The following SLX4IP variants were observed in gnomAD, a reference collection of about 807,000 sequenced individuals.
SLX4IP encodes the protein protein SLX4IP.
In SLX4IP, 34 loss-of-function variants were observed where a neutral mutation model predicts 32.9. The observed-to-expected ratio is 1.03, with a 90% CI of 0.79 to 1.38. The LOEUF (loss-of-function observed/expected upper bound fraction) is 1.38, where lower values mean the gene tolerates loss of function less well. Ranked by LOEUF, SLX4IP falls within the 40% of genes most tolerant of loss-of-function variation. The pLI is 0.00. For missense variants in SLX4IP, 444 were observed against 479.0 expected (o/e 0.93, Z 0.68); for synonymous variants, 172 against 171.7 (o/e 1.00, Z -0.01).
Position 10,620,899 on chromosome 20 carries a change from T to C in SLX4IP, c.406-415T>C, listed in dbSNP as rs1435861098. On this transcript the variant is annotated intron_variant, in intron 6 of 7. Coordinates refer to ENST00000334534, the MANE Select transcript of SLX4IP (RefSeq NM_001009608.3). ...TGCAGATAGAGAAAATATGGGGAAT[T>C]CTTAGGATGATAAGGGTGTAGACCA... is the stretch of plus-strand genomic sequence containing the variant. Among the ~76,000 whole-genome samples, 3 of 152,128 alleles carry C rather than the reference T, an allele frequency of 2.0e-5. No homozygotes were observed. In the East Asian group the frequency reaches 5.8e-4, roughly 29 times the overall value.
At chr20:10,456,854 C>G (rs1265344717) in intron 1 of SLX4IP, among the ~76,000 whole-genome samples, 2 of 152,204 alleles carry the variant, frequency 1.3e-5, no homozygotes, top group Non-Finnish European at 2.9e-5. Flanking sequence ...TTAAGTCTTA[C>G]AATCCATGAA....
intron 4 of SLX4IP, among the ~76,000 whole-genome samples, chr20:10,561,545 C>CTTTTTTTTTTTTTTTT (rs749781715): frequency 4.1e-4 from 57 of 139,116 alleles, no homozygotes; most frequent in African/African-American, 1.4e-3. Flanking sequence ...TTTCTTTTTT[C>CTTTTTTTTTTTTTTTT]TTTTTTTTTT....
chr20:10,575,101 G>A (rs764151548), intron 4 of SLX4IP, among the ~76,000 whole-genome samples: 20 of 152,142 alleles, frequency 1.3e-4, no homozygotes, highest in Middle Eastern at 3.2e-3. Context: ...GGTAGAACTG[G>A]TTGGCATTCC....
At chr20:10,604,399 C>CT (rs1423858409) in intron 6 of SLX4IP, among the ~76,000 whole-genome samples, 8 of 151,126 alleles carry the variant, frequency 5.3e-5, no homozygotes, top group Admixed American at 2.7e-4. Context: ...TTTCCTTCAT[C>CT]TTTTTTTTTG....
chr20:10,468,462 G>A (rs79428928), intron 2 of SLX4IP, among the ~76,000 whole-genome samples: 3 of 152,174 alleles, frequency 2.0e-5, no homozygotes, highest in Non-Finnish European at 4.4e-5. Context: ...CCAGCTAGAC[G>A]TAAGGCATTC....
At position 10,624,797 on chromosome 20, in the gene SLX4IP, A is replaced by G; in HGVS notation, c.*1418A>G. On this transcript the variant is annotated 3_prime_UTR_variant, in exon 8 of 8. Transcript: ENST00000334534. ...CCCGTATCTCCTGTCCCCACTTGTT[A>G]AGACCAGTAAGACTCATGAAGCAGC... is the stretch of plus-strand genomic sequence containing the variant. 1.3e-5 allele frequency: 2 copies of G among 152,214 alleles called. 1 individual carries two copies. Among genetic ancestry groups the G allele is most frequent in the Non-Finnish European group, 2.9e-5 (2 of 68,058 alleles). The allele number at this position is 152,214 out of a possible 1,614,324, so 9.4% of individuals were successfully genotyped here. A position where few individuals can be genotyped will look rare whatever the true frequency, so the allele number is the denominator to read the frequency against.
At chr20:10,560,947 G>A (rs1239662492) in intron 4 of SLX4IP, 127 bp downstream of exon 4, 11 of 959,240 alleles carry the variant, frequency 1.1e-5, no homozygotes, top group South Asian at 4.6e-5. Context: ...ATGTCCTAAT[G>A]AAGATACTTT....
At chr20:10,531,928 A>G (rs2065992756) in intron 2 of SLX4IP, among the ~76,000 whole-genome samples, 1 of 152,204 alleles carries the variant, frequency 6.6e-6, no homozygotes, top group African/African-American at 2.4e-5. Context: ...TTCTCAGGAT[A>G]GTTTTCATTT....
chr20:10,614,489 G>A lies in SLX4IP; in HGVS notation c.406-6825G>A, dbSNP rs113094137. On this transcript the variant is annotated intron_variant, in intron 6 of 7. Coordinates refer to ENST00000334534, the MANE Select transcript of SLX4IP (RefSeq NM_001009608.3). Reference sequence around the variant, plus strand: ...TCAGGATGAGCTGGGATTGGCTGGTGCACCCCAAGGACTCTTGGAGTGACC... The same window carrying A: ...TCAGGATGAGCTGGGATTGGCTGGTACACCCCAAGGACTCTTGGAGTGACC... Among the ~76,000 whole-genome samples, 790 of 152,254 alleles carry A rather than the reference G, an allele frequency of 5.2e-3. 1 individual carries two copies. The highest frequency in any genetic ancestry group is 7.7e-3 in the Non-Finnish European group (523 of 68,010).
intron 2 of SLX4IP, among the ~76,000 whole-genome samples, chr20:10,548,387 C>T (rs1023322394): frequency 2.6e-5 from 4 of 152,106 alleles, no homozygotes; most frequent in East Asian, 1.9e-4. Flanking sequence ...TACAGGCGCC[C>T]GCCACCACGC....
rs548943233 is a variant in SLX4IP at position 10,544,471 on chromosome 20, G to A, written c.28-11760G>A. Among the ~76,000 whole-genome samples the A allele has an allele frequency of 2.0e-4, 30 of 152,228 alleles. No individual in the cohort carries two copies. In the East Asian group the frequency reaches 4.8e-3, roughly 25 times the overall value. ...CACAATCTTGGCTCACTGCAGCCTC[G>A]ACTTCCCAGGCTCAGATGATTCTCC... is the stretch of plus-strand genomic sequence containing the variant. On this transcript the variant is annotated intron_variant, in intron 2 of 7. Transcript: ENST00000334534.
chr20:10,598,604 G>A, intron 4 of SLX4IP, 71 bp from the exon 5 acceptor site: 1 of 1,328,030 alleles, frequency 7.5e-7, no homozygotes. Flanking sequence ...TTTATGGCAG[G>A]CACTGGGCTG....
chr20:10,607,651 C>T (rs1040369611), intron 6 of SLX4IP, among the ~76,000 whole-genome samples: 2 of 152,140 alleles, frequency 1.3e-5, no homozygotes, highest in African/African-American at 4.8e-5. Flanking sequence ...TGGATAGCCA[C>T]CATCCCCACC....
intron 2 of SLX4IP, among the ~76,000 whole-genome samples, chr20:10,553,248 T>C (rs1302476382): frequency 2.0e-5 from 3 of 152,210 alleles, no homozygotes; most frequent in Non-Finnish European, 4.4e-5. Flanking sequence ...AATGAAGATA[T>C]CATTTATGCT....
intron 5 of SLX4IP, among the ~76,000 whole-genome samples, chr20:10,601,039 T>C (rs764181641): frequency 2.6e-5 from 4 of 152,154 alleles, no homozygotes; most frequent in Non-Finnish European, 4.4e-5. Context: ...TTCCTTTCAT[T>C]GAATGCCGAG....
intron 2 of SLX4IP, among the ~76,000 whole-genome samples, chr20:10,461,099 C>A (rs1017954448): frequency 6.6e-6 from 1 of 152,146 alleles, no homozygotes; most frequent in East Asian, 1.9e-4. Flanking sequence ...TCTCATATGA[C>A]TTTATTATAT....
intron 1 of SLX4IP, among the ~76,000 whole-genome samples, chr20:10,452,807 A>G (rs528905643): frequency 1.3e-5 from 2 of 151,508 alleles, no homozygotes; most frequent in South Asian, 4.2e-4. Context: ...GCCTAGATTG[A>G]GCCACTGCAC....
At chr20:10,518,465 T>TCG (rs1568720164) in intron 2 of SLX4IP, among the ~76,000 whole-genome samples, 1 of 45,714 alleles carries the variant, frequency 2.2e-5, no homozygotes, top group African/African-American at 6.5e-5. Flanking sequence ...CTTCCTTCCT[T>TCG]TCCTTTCTTT....
At position 10,575,213 on chromosome 20, in the gene SLX4IP, G is replaced by A. The variant is rs112320240; in HGVS notation, c.238+14393G>A. 3.2e-3 allele frequency among the ~76,000 whole-genome samples: 492 copies of A among 152,168 alleles called. 5 individuals carry two copies. The highest frequency in any genetic ancestry group is 0.01 in the African/African-American group (432 of 41,494). ...AAACATTTCTTTTGGTGATCTGTTC[G>A]GTCACAGTATTTCTAACGATGACAA... On this transcript the variant is annotated intron_variant, in intron 4 of 7. Transcript: ENST00000334534.
Sources: gnomAD v4.1 joint callset for allele counts (sites outside exome capture counted in the v4.1 genomes callset) on GRCh38, gnomAD v4.1.1 for gene constraint, MANE v1.5 for transcripts, NCBI Gene and HGNC (gene_info 2026-07-23, HGNC 2026-07-21) for gene names.